ATP13A4: variants seen among roughly 807,000 people sequenced by gnomAD.
ATP13A4 encodes the protein probable cation-transporting ATPase 13A4.
ATP13A4 carries 114 observed loss-of-function variants against 142.5 expected under a neutral mutation model. The observed-to-expected ratio is 0.80, with a 90% CI of 0.69 to 0.93. The LOEUF is 0.93. Among genes scored for constraint, ATP13A4 ranks in the 40% least tolerant of loss-of-function variants. ATP13A4 has a pLI of 0.00. For missense variants in ATP13A4, 1,392 were observed against 1,454.0 expected (o/e 0.96, Z 0.69); for synonymous variants, 488 against 514.8 (o/e 0.95, Z 0.70).
In ATP13A4 at chr3:193,554,828, A is replaced by C; in HGVS notation, c.-29T>G. On this transcript the variant is annotated 5_prime_UTR_variant, in exon 1 of 30. Coordinates refer to ENST00000342695, the MANE Select transcript of ATP13A4 (RefSeq NM_032279.4). ...AAAGTTATTCCACACCTCCTCCCTG[A>C]CCTTGTCGTGCAGACGCTTCCAGGA... 6.2e-7 allele frequency: 1 copy of C among 1,613,828 alleles called. No individual in the cohort carries two copies.
intron 1 of ATP13A4, among the ~76,000 whole-genome samples, chr3:193,515,623 G>A (rs777332920): frequency 1.3e-5 from 2 of 152,110 alleles, no homozygotes; most frequent in Non-Finnish European, 1.5e-5. Flanking sequence ...GTCATGAGAG[G>A]ATATTATTAG....
intron 2 of ATP13A4, among the ~76,000 whole-genome samples, chr3:193,579,669 C>G (rs1052767120): frequency 1.3e-5 from 2 of 152,068 alleles, no homozygotes; most frequent in African/African-American, 4.8e-5. Flanking sequence ...TAAGTCATTT[C>G]TATGCCAGCC....
At chr3:193,561,196 C>A (rs1284115962) in intron 2 of ATP13A4, among the ~76,000 whole-genome samples, 1 of 152,242 alleles carries the variant, frequency 6.6e-6, no homozygotes, top group East Asian at 1.9e-4. Flanking sequence ...TCTGGGCAGA[C>A]TAACCAAGAG....
At position 193,445,513 on chromosome 3, in the gene ATP13A4, T is replaced by C. The variant is rs56747750; in HGVS notation, c.2152+2693A>G. Among the ~76,000 whole-genome samples, 985 of 151,690 alleles carry C rather than the reference T, an allele frequency of 6.5e-3. 11 individuals carry two copies. The highest frequency in any genetic ancestry group is 0.022 in the African/African-American group (919 of 41,346). On this transcript the variant is annotated intron_variant, in intron 18 of 29. Coordinates refer to ENST00000342695, the MANE Select transcript of ATP13A4 (RefSeq NM_032279.4). ...GACTCATGCCTATAATCCCAGCACT[T>C]TGGGAGGCCAAGGTGGTAGGATCAC... is the stretch of plus-strand genomic sequence containing the variant.
chr3:193,435,542 T>C (rs1271943684), intron 24 of ATP13A4, 106 bp downstream of exon 24: 1 of 915,690 alleles, frequency 1.1e-6, no homozygotes, highest in African/African-American at 1.6e-5. Flanking sequence ...CTGTTGTTGT[T>C]CAGATATCCT....
At chr3:193,586,108 CACACACACAT>C (rs1312881263) in intron 1 of ATP13A4, among the ~76,000 whole-genome samples, 57 of 139,194 alleles carry the variant, frequency 4.1e-4, no homozygotes, top group African/African-American at 1.2e-3. Context: ...CACACACACA[CACACACACAT>C]ATACACACAC....
At chr3:193,540,508 G>A (rs960679582) in intron 1 of ATP13A4, among the ~76,000 whole-genome samples, 3 of 114,122 alleles carry the variant, frequency 2.6e-5, no homozygotes, top group Non-Finnish European at 4.9e-5. Context: ...TAGGATTTTA[G>A]GTCACTAAGG....
rs768975835 is a variant in ATP13A4 at position 193,440,663 on chromosome 3, T to C, written c.2440-26A>G. ...CTGTAAGGAACCCAAAATGGAGATT[T>C]TTTTATCAAGTCATCTGGTTGTACA... On this transcript the variant is annotated intron_variant, in intron 20 of 29. Coordinates refer to ENST00000342695, the MANE Select transcript of ATP13A4 (RefSeq NM_032279.4). The C allele has an allele frequency of 5.6e-6, 9 of 1,610,694 alleles. No homozygotes were observed. The Admixed American group carries it at 1.5e-4, about 27-fold the overall frequency.
intron 1 of ATP13A4, among the ~76,000 whole-genome samples, chr3:193,585,044 C>T (rs1377474378): frequency 2.6e-5 from 4 of 152,194 alleles, no homozygotes; most frequent in Non-Finnish European, 4.4e-5. Context: ...ATCCTGCAGC[C>T]TGCAGGCTGC....
At chr3:193,513,817 ATCC>A (rs1721261336) in intron 2 of ATP13A4, among the ~76,000 whole-genome samples, 2 of 152,224 alleles carry the variant, frequency 1.3e-5, no homozygotes, top group Admixed American at 1.3e-4. Context: ...GACAGACAGC[ATCC>A]TCCTCAGAGT....
chr3:193,425,460 T>A (rs1383655653), intron 25 of ATP13A4, among the ~76,000 whole-genome samples: 1 of 151,756 alleles, frequency 6.6e-6, no homozygotes, highest in East Asian at 1.9e-4. Flanking sequence ...GGAATTGCCC[T>A]AAGGGTATAT....
chr3:193,521,508 T>C (rs1034255751), intron 1 of ATP13A4, among the ~76,000 whole-genome samples: 1 of 152,220 alleles, frequency 6.6e-6, no homozygotes, highest in African/African-American at 2.4e-5. Context: ...GAGTTCCAAG[T>C]ACTCTAATGT....
Position 193,454,190 on chromosome 3 carries a change from T to A in ATP13A4, c.1938A>T (p.Glu646Asp), listed in dbSNP as rs35424709. The change falls in exon 17 of 30, where the codon GAA (glutamate) becomes GAT (aspartate). Residue 646 changes from glutamate (E) to aspartate (D), a missense_variant. By Grantham distance (45) the Glu-to-Asp change is conservative. Transcript: ENST00000342695. ...AGCCCTGTGTCGTGTAAATCTGAAG[T>A]TCGCTAACAAAACTAGTGGGTACTG... ...PETVPTSFVSELQIYTTQGFR... is the reference protein window; with the variant it reads ...PETVPTSFVSDLQIYTTQGFR... 164,089 of 1,612,600 alleles carry A rather than the reference T, an allele frequency of 0.1. 9,015 individuals carry two copies. Among genetic ancestry groups the A allele is most frequent in the Non-Finnish European group, 0.11 (134,764 of 1,178,636 alleles).
In ATP13A4 at chr3:193,478,299, CA is replaced by C. The variant is rs1397368610; in HGVS notation, c.808+5636del. 1.2e-4 allele frequency among the ~76,000 whole-genome samples: 17 copies of C among 147,282 alleles called. 1 individual carries two copies. In the South Asian group the frequency reaches 1.7e-3, roughly 15 times the overall value. ...AGAGCAGAACTAAATGAAATTGAAA[CA>C]AAAAAAAAGCCCACAAAAGATAAAT... On this transcript the variant is annotated intron_variant, in intron 8 of 29. Transcript: ENST00000342695.
chr3:193,515,556 G>C (rs1721360265), intron 1 of ATP13A4, among the ~76,000 whole-genome samples: 1 of 152,056 alleles, frequency 6.6e-6, no homozygotes, highest in African/African-American at 2.4e-5. Flanking sequence ...ATGTCAAGAG[G>C]AAAACACCAT....
chr3:193,482,833 G>T (rs1719371381), intron 8 of ATP13A4, among the ~76,000 whole-genome samples: 1 of 152,152 alleles, frequency 6.6e-6, no homozygotes, highest in Non-Finnish European at 1.5e-5. Flanking sequence ...CCAAAGATTG[G>T]CAGTTTCTTA....
intron 29 of ATP13A4, among the ~76,000 whole-genome samples, chr3:193,406,661 G>A (rs1213093825): frequency 1.3e-5 from 2 of 152,234 alleles, no homozygotes; most frequent in African/African-American, 4.8e-5. Flanking sequence ...GGAAGCTGGA[G>A]AATGAAAGCC....
upstream of ATP13A4, among the ~76,000 whole-genome samples, chr3:193,556,797 C>A (rs976081935): frequency 6.6e-6 from 1 of 151,862 alleles, no homozygotes; most frequent in African/African-American, 2.4e-5. Flanking sequence ...AAAAATTATA[C>A]CTCAAAAAAA....
At position 193,577,920 on chromosome 3, in the gene ATP13A4, T is replaced by A. The variant is rs181431416; in HGVS notation, n.291+3787A>T. ...AAAATTAAAAACACTTCAATCTCTT[T>A]CATTCTCTCTGAATAGAGAATATGT... is the stretch of plus-strand genomic sequence containing the variant. On this transcript the variant is annotated intron_variant and non_coding_transcript_variant, in intron 2 of 3. Coordinates refer to the ATP13A4 transcript ENST00000489140. 3.9e-5 allele frequency among the ~76,000 whole-genome samples: 6 copies of A among 152,376 alleles called. No individual in the cohort carries two copies. In the East Asian group the frequency reaches 9.6e-4, roughly 24 times the overall value.
Sources: allele counts gnomAD v4.1 joint callset (sites outside exome capture counted in the v4.1 genomes callset), GRCh38; gene constraint gnomAD v4.1.1; transcripts MANE v1.5; gene names NCBI Gene and HGNC (gene_info 2026-07-23, HGNC 2026-07-21).